The following XRN1 variants were observed in gnomAD, a reference collection of about 807,000 sequenced individuals.
XRN1 encodes strand-exchange protein 1 homolog.
In XRN1, 67 loss-of-function variants were observed where a neutral mutation model predicts 222.3. The observed-to-expected ratio is 0.30, with a 90% CI of 0.25 to 0.37. XRN1 has a LOEUF of 0.37. XRN1 is among the 10% of genes least tolerant of loss of function. The pLI is 1.00. For synonymous variants in XRN1, 643 were observed against 652.4 expected (o/e 0.99, Z 0.22); for missense variants, 1,707 against 2,000.2 (o/e 0.85, Z 2.80).
At position 142,422,928 on chromosome 3, in the gene XRN1, A is replaced by G; in HGVS notation, c.711-6T>C. ...TTTCTTCTGGAGCACATACCCTGGA[A>G]TTAGTCAGATGATCAAGATACAGTG... is the stretch of plus-strand genomic sequence containing the variant. On this transcript the variant is annotated splice_polypyrimidine_tract_variant and splice_region_variant and intron_variant, in intron 6 of 40. Coordinates refer to ENST00000392981, the MANE Select transcript of XRN1 (RefSeq NM_001282857.2). The G allele has an allele frequency of 6.2e-7, 1 of 1,600,050 alleles. No homozygotes were observed. Among genetic ancestry groups the G allele is most frequent in the Non-Finnish European group, 8.5e-7 (1 of 1,171,232 alleles).
chr3:142,397,502 G>A, intron 19 of XRN1, 42 bp from the exon 20 acceptor site: 1 of 1,511,708 alleles, frequency 6.6e-7, no homozygotes. Context: ...AAATGTTCTG[G>A]TTTAATATAG....
intron 1 of XRN1, among the ~76,000 whole-genome samples, chr3:142,441,043 G>T (rs11711179): frequency 6.6e-6 from 1 of 152,102 alleles, no homozygotes; most frequent in Non-Finnish European, 1.5e-5. Flanking sequence ...CCACCCAAGC[G>T]CTCTTAAATT....
intron 14 of XRN1, among the ~76,000 whole-genome samples, chr3:142,413,807 T>C (rs1255814784): frequency 6.6e-6 from 1 of 152,216 alleles, no homozygotes; most frequent in Non-Finnish European, 1.5e-5. Flanking sequence ...AATGAATCTA[T>C]AAATGTTTAG....
intron 13 of XRN1, among the ~76,000 whole-genome samples, chr3:142,415,009 G>T (rs776308305): frequency 2.7e-4 from 41 of 152,164 alleles, no homozygotes; most frequent in Non-Finnish European, 4.1e-4. Flanking sequence ...ACTAAAAACA[G>T]TTGAACGTTC....
intron 23 of XRN1, 63 bp downstream of exon 23, chr3:142,380,019 A>C: frequency 1.0e-5 from 14 of 1,380,572 alleles, no homozygotes; most frequent in Non-Finnish European, 1.4e-5. Flanking sequence ...AGGTGGCAAA[A>C]ATATCCTAAT....
intron 20 of XRN1, among the ~76,000 whole-genome samples, chr3:142,387,028 T>C (rs1559839117): frequency 6.6e-6 from 1 of 152,154 alleles, no homozygotes; most frequent in African/African-American, 2.4e-5. Context: ...AAGGAATGCA[T>C]ATATACACGT....
At chr3:142,441,742 G>A (rs956878505) in intron 1 of XRN1, among the ~76,000 whole-genome samples, 5 of 152,192 alleles carry the variant, frequency 3.3e-5, no homozygotes, top group African/African-American at 1.2e-4. Context: ...TGTTGCGACT[G>A]TGCACTTGTG....
At chr3:142,325,344 G>A (rs1015667067) in intron 37 of XRN1, among the ~76,000 whole-genome samples, 1 of 151,978 alleles carries the variant, frequency 6.6e-6, no homozygotes, top group African/African-American at 2.4e-5. Context: ...TCATATACCT[G>A]TTGGCCATTT....
At chr3:142,438,425 G>A (rs576780916) in intron 1 of XRN1, among the ~76,000 whole-genome samples, 2 of 152,226 alleles carry the variant, frequency 1.3e-5, no homozygotes, top group East Asian at 1.9e-4. Flanking sequence ...ATCGGTAAGC[G>A]TAACTAATCC....
chr3:142,421,891 T>C (rs780059663), intron 8 of XRN1, among the ~76,000 whole-genome samples: 6 of 152,002 alleles, frequency 3.9e-5, no homozygotes, highest in Non-Finnish European at 8.8e-5. Flanking sequence ...GTCTGTTTTA[T>C]TTGGCATCAC....
At chr3:142,425,673 C>T (rs2069219227) in intron 3 of XRN1, 135 bp from the exon 4 acceptor site, 1 of 672,644 alleles carries the variant, frequency 1.5e-6, no homozygotes. Flanking sequence ...AGGTCAAAAG[C>T]TCTCTTGCTT....
chr3:142,431,934 T>A lies in XRN1; in HGVS notation c.308+727A>T, dbSNP rs1471184714. 1.4e-3 allele frequency among the ~76,000 whole-genome samples: 113 copies of A among 80,116 alleles called. 3 individuals carry two copies. Among genetic ancestry groups the A allele is most frequent in the African/African-American group, 5.6e-3 (112 of 19,908 alleles). 52.6% of individuals were successfully genotyped at this position (80,116 alleles called of 152,430 possible). ...TATAAATATATATAATATAATATAT[T>A]GTATATATTATATAATATATTATAT... On this transcript the variant is annotated intron_variant, in intron 2 of 40. Transcript: ENST00000392981.
chr3:142,411,155 T>C (rs2068562264), intron 15 of XRN1, among the ~76,000 whole-genome samples: 1 of 152,206 alleles, frequency 6.6e-6, no homozygotes. Flanking sequence ...AACTAACCTT[T>C]TACTATATGA....
At position 142,432,804 on chromosome 3, in the gene XRN1, A is replaced by T; in HGVS notation, c.165T>A (p.Ile55=). The T allele has an allele frequency of 3.1e-6, 5 of 1,614,052 alleles. No homozygotes were observed. Among genetic ancestry groups the T allele is most frequent in the Non-Finnish European group, 4.2e-6 (5 of 1,180,002 alleles). Residue 55 remains isoleucine (I), a synonymous_variant, in exon 2 of 41, where the codon ATT becomes ATA. Transcript: ENST00000392981. ...HPNDDDVHFR[I]SDDKIFTDIF... Reference sequence around the variant, plus strand: ...TATCAGTAAAGATTTTATCATCTGAAATTCTAAAGTGAACATCATCATCAT... The same window carrying T: ...TATCAGTAAAGATTTTATCATCTGATATTCTAAAGTGAACATCATCATCAT...
chr3:142,371,392 C>A (rs1057474068), intron 25 of XRN1, 64 bp from the exon 26 acceptor site: 9 of 1,204,134 alleles, frequency 7.5e-6, no homozygotes, highest in South Asian at 4.1e-5. Flanking sequence ...AAACTTCCTA[C>A]ATAATAATTT....
intron 33 of XRN1, among the ~76,000 whole-genome samples, chr3:142,343,237 C>CCT: frequency 6.6e-6 from 1 of 151,980 alleles, no homozygotes; most frequent in East Asian, 1.9e-4. Context: ...ATGTGGATCA[C>CCT]GAGGTCAGGA....
At chr3:142,388,868 T>C (rs561869374) in intron 20 of XRN1, among the ~76,000 whole-genome samples, 77 of 152,334 alleles carry the variant, frequency 5.1e-4, no homozygotes, top group Middle Eastern at 3.4e-3. Context: ...ATCTTCACTA[T>C]GAGTAGATTC....
rs377522108 is a variant in XRN1 at position 142,316,214 on chromosome 3, C to CTTTT, written c.4621+2374_4621+2377dup. Among the ~76,000 whole-genome samples the CTTTT allele has an allele frequency of 7.0e-3, 784 of 111,752 alleles. 15 individuals are homozygous for CTTTT. Among genetic ancestry groups the CTTTT allele is most frequent in the African/African-American group, 0.019 (572 of 29,362 alleles). The allele number at this position is 111,752 out of a possible 152,430, so 73.3% of individuals were successfully genotyped here. A position where few individuals can be genotyped will look rare whatever the true frequency, so the allele number is the denominator to read the frequency against. On this transcript the variant is annotated intron_variant, in intron 39 of 40. Coordinates refer to ENST00000392981, the MANE Select transcript of XRN1 (RefSeq NM_001282857.2). Reference sequence around the variant, plus strand: ...TTTTACTTGAGTTAGTCATTATCTTCTTTTTTTTTTTTTTTTTTTTTGAGA... The same window carrying CTTTT: ...TTTTACTTGAGTTAGTCATTATCTTCTTTTTTTTTTTTTTTTTTTTTTTTTGAGA...
At chr3:142,335,920 T>C (rs1473973098) in intron 33 of XRN1, among the ~76,000 whole-genome samples, 3 of 152,224 alleles carry the variant, frequency 2.0e-5, no homozygotes, top group African/African-American at 2.4e-5. Flanking sequence ...ATTAAGTTGG[T>C]AGGAAATGGG....
Sources: allele counts gnomAD v4.1 joint callset (sites outside exome capture counted in the v4.1 genomes callset), GRCh38; gene constraint gnomAD v4.1.1; transcripts MANE v1.5; gene names NCBI Gene and HGNC (gene_info 2026-07-23, HGNC 2026-07-21).